The following GPR149 variants were observed in gnomAD, a reference collection of about 807,000 sequenced individuals.
The protein encoded by GPR149 is G protein-coupled receptor 149.
GPR149 carries 50 observed loss-of-function variants against 50.2 expected under a neutral mutation model. That is an observed-to-expected ratio of 1.00 (90% CI 0.79 to 1.26). The LOEUF is 1.26. Among genes scored for constraint, GPR149 ranks in the 50% most tolerant of loss-of-function variants. The pLI is 0.00. For missense variants in GPR149, 983 were observed against 895.4 expected (o/e 1.10, Z -1.25); for synonymous variants, 405 against 358.2 (o/e 1.13, Z -1.48).
intron 2 of GPR149, among the ~76,000 whole-genome samples, chr3:154,425,943 A>G (rs1712280658): frequency 6.7e-6 from 1 of 148,824 alleles, no homozygotes; most frequent in South Asian, 2.1e-4. Context: ...CAACCAATTC[A>G]TTATGACTTT....
At chr3:154,353,822 A>T (rs753643310) in intron 3 of GPR149, 8 of 663,098 alleles carry the variant, frequency 1.2e-5, no homozygotes, top group Non-Finnish European at 2.2e-5. Context: ...TTTCTTTCAA[A>T]TACAGGACAA....
chr3:154,391,581 C>G (rs1421330459), intron 3 of GPR149, among the ~76,000 whole-genome samples: 3 of 151,306 alleles, frequency 2.0e-5, no homozygotes, highest in Non-Finnish European at 3.0e-5. Context: ...ATAGTAAGTA[C>G]TCGCCCATCA....
rs911631795 is a variant in GPR149, at chr3:154,335,836, C to T, written c.*1863G>A. 1.3e-5 allele frequency: 2 copies of T among 152,046 alleles called. No homozygotes were observed. Among genetic ancestry groups the T allele is most frequent in the East Asian group, 1.9e-4 (1 of 5,194 alleles). 9.4% of individuals were successfully genotyped at this position (152,046 alleles called of 1,614,324 possible). On this transcript the variant is annotated 3_prime_UTR_variant, in exon 4 of 4. Transcript: ENST00000389740. ...TTTATTATGATCCTGTGTCTAATTT[C>T]CTTTTTGCCTGAAATTGCATTTTAA...
At chr3:154,371,912 C>T (rs1203674375) in intron 3 of GPR149, among the ~76,000 whole-genome samples, 1 of 151,722 alleles carries the variant, frequency 6.6e-6, no homozygotes, top group Non-Finnish European at 1.5e-5. Context: ...AGGATCGAGG[C>T]CATCAAGGTA....
chr3:154,360,256 A>C (rs1479047961), intron 3 of GPR149, among the ~76,000 whole-genome samples: 1 of 152,144 alleles, frequency 6.6e-6, no homozygotes, highest in Non-Finnish European at 1.5e-5. Context: ...GGCCCAAGCT[A>C]TTTTAATGAC....
At chr3:154,414,284 A>G (rs1332750197) in intron 3 of GPR149, among the ~76,000 whole-genome samples, 1 of 151,944 alleles carries the variant, frequency 6.6e-6, no homozygotes, top group Non-Finnish European at 1.5e-5. Flanking sequence ...ACCAAATACC[A>G]CCTGTTCCCT....
chr3:154,395,883 T>C (rs987495202), intron 3 of GPR149, among the ~76,000 whole-genome samples: 3 of 152,204 alleles, frequency 2.0e-5, no homozygotes, highest in Non-Finnish European at 4.4e-5. Context: ...ATTTAATATT[T>C]GAAAGTGTAT....
At chr3:154,346,467 G>C (rs1713928296) in intron 3 of GPR149, among the ~76,000 whole-genome samples, 1 of 152,140 alleles carries the variant, frequency 6.6e-6, no homozygotes, top group South Asian at 2.1e-4. Context: ...AGGAAAGAGA[G>C]AACAAGGGCA....
At chr3:154,376,033 GCTTCT>G (rs1175015301) in intron 3 of GPR149, among the ~76,000 whole-genome samples, 4 of 152,290 alleles carry the variant, frequency 2.6e-5, no homozygotes, top group Admixed American at 2.6e-4. Context: ...TGGCTTTCCA[GCTTCT>G]TCATCTTCTA....
intron 3 of GPR149, chr3:154,352,054 T>C (rs772738311): frequency 1.1e-5 from 5 of 438,228 alleles, no homozygotes; most frequent in Non-Finnish European, 1.6e-5. Flanking sequence ...ACCTCAACTA[T>C]CATGAGCTAA....
At chr3:154,426,870 G>A (rs1712315532) in intron 2 of GPR149, among the ~76,000 whole-genome samples, 1 of 67,272 alleles carries the variant, frequency 1.5e-5, no homozygotes, top group South Asian at 6.2e-4. Context: ...TTGGACCAGG[G>A]CGTGTGTGTG....
At chr3:154,415,506 A>G (rs1298829218) in intron 3 of GPR149, among the ~76,000 whole-genome samples, 1 of 151,970 alleles carries the variant, frequency 6.6e-6, no homozygotes, top group Non-Finnish European at 1.5e-5. Flanking sequence ...TAGCCACTCT[A>G]AACTATACCA....
intron 2 of GPR149, among the ~76,000 whole-genome samples, chr3:154,421,791 C>T (rs1712153555): frequency 6.6e-6 from 1 of 151,738 alleles, no homozygotes. Context: ...AGGAAATTCT[C>T]AAATACATTG....
chr3:154,404,623 G>A (rs1035856794), intron 3 of GPR149, among the ~76,000 whole-genome samples: 1 of 152,094 alleles, frequency 6.6e-6, no homozygotes. Context: ...TTATCTCTCC[G>A]AAACAGTGTA....
At chr3:154,354,047 G>T in intron 3 of GPR149, 2 of 446,810 alleles carry the variant, frequency 4.5e-6, no homozygotes, top group African/African-American at 2.1e-5. Flanking sequence ...TTTCCATTTG[G>T]TAGATCTTTT....
At chr3:154,350,193 C>A (rs1279922231) in intron 3 of GPR149, among the ~76,000 whole-genome samples, 17 of 151,662 alleles carry the variant, frequency 1.1e-4, no homozygotes, top group Non-Finnish European at 1.0e-4. Context: ...GAAACCCTGT[C>A]TCAAAAATAA....
intron 3 of GPR149, among the ~76,000 whole-genome samples, chr3:154,369,000 A>G (rs1030118300): frequency 2.0e-5 from 3 of 152,198 alleles, no homozygotes; most frequent in Non-Finnish European, 2.9e-5. Context: ...GGGGCAAGGG[A>G]AGTTTCCATC....
chr3:154,352,160 C>T (rs1401618872), intron 3 of GPR149: 28 of 762,648 alleles, frequency 3.7e-5, no homozygotes, highest in South Asian at 1.2e-4. Flanking sequence ...ATTTGTGGCC[C>T]CCACTTCTTG....
At chr3:154,389,033 T>C (rs1515645) in intron 3 of GPR149, among the ~76,000 whole-genome samples, 127,007 of 152,068 alleles carry the variant, frequency 0.84, 53,050 homozygotes, top group Middle Eastern at 0.91. Context: ...TAGGAAAATA[T>C]GGGAGAAAGT....
Sources: gnomAD v4.1 joint callset for allele counts (sites outside exome capture counted in the v4.1 genomes callset) on GRCh38, gnomAD v4.1.1 for gene constraint, MANE v1.5 for transcripts, NCBI Gene and HGNC (gene_info 2026-07-23, HGNC 2026-07-21) for gene names.